SEC16A: variants seen among roughly 807,000 people sequenced by gnomAD.
SEC16A encodes protein transport protein Sec16A.
Under a neutral mutation model 221.9 loss-of-function variants are expected in SEC16A, and 110 were observed. The ratio of observed to expected loss-of-function variants is 0.50; its 90% CI spans 0.42 to 0.58. The LOEUF (loss-of-function observed/expected upper bound fraction) is 0.58, where lower values mean the gene tolerates loss of function less well. Ranked by LOEUF, SEC16A falls within the 20% of genes least tolerant of loss-of-function variation. The probability of loss-of-function intolerance (pLI) is 0.00; values close to 1 mark genes in which losing one functional copy is unlikely to be tolerated. For synonymous variants in SEC16A, 1,393 were observed against 1,257.7 expected (o/e 1.11, Z -2.28); for missense variants, 3,165 against 3,097.8 (o/e 1.02, Z -0.52).
In SEC16A at chr9:136,459,153, C is replaced by T. The variant is rs1267696529; in HGVS notation, c.5390G>A (p.Cys1797Tyr). The T allele has an allele frequency of 6.2e-7, 1 of 1,611,226 alleles. No individual in the cohort carries two copies. The highest frequency in any genetic ancestry group is 1.1e-5 in the South Asian group (1 of 90,754). The change falls in exon 17 of 32, where the codon TGC becomes TAC. Residue 1797 changes from cysteine (C) to tyrosine (Y), a missense_variant. Transcript: ENST00000684901. The surrounding 1 kb of genome is among the most constrained non-coding windows in gnomAD (Gnocchi z 6.1). ...EYAQSLGAET[C>Y]PLPSFQVFKF... Reference sequence around the variant, plus strand: ...GCTTACCTGGAAACTAGGCAGGGGGCAGGTCTCGGCACCCAGGGACTGGGC... The same window carrying T: ...GCTTACCTGGAAACTAGGCAGGGGGTAGGTCTCGGCACCCAGGGACTGGGC...
upstream of SEC16A, chr9:136,484,453 C>T (rs759958843): frequency 1.7e-6 from 2 of 1,205,106 alleles, no homozygotes; most frequent in African/African-American, 1.6e-5. Flanking sequence ...CCAGCCATGC[C>T]GGGCCCACTC....
rs1284651214 is a variant in SEC16A at position 136,446,962 on chromosome 9, G to T, written c.6698-13C>A. 1.2e-6 allele frequency: 2 copies of T among 1,613,508 alleles called. No homozygotes were observed. The highest frequency in any genetic ancestry group is 1.7e-6 in the Non-Finnish European group (2 of 1,179,864). On this transcript the variant is annotated splice_polypyrimidine_tract_variant and intron_variant, in intron 27 of 31. Coordinates refer to ENST00000684901, the MANE Select transcript of SEC16A (RefSeq NM_014866.2). ...GGTTCTTCTGCATCTGGGGATGAGA[G>T]AGCGAGGAGGCCATCATTCCGTCCC...
At chr9:136,452,366 C>A (rs1225997123) in intron 22 of SEC16A, among the ~76,000 whole-genome samples, 1 of 137,014 alleles carries the variant, frequency 7.3e-6, no homozygotes, top group African/African-American at 2.7e-5. Context: ...CAGAGAATTG[C>A]TTAAACCTGG....
rs1836890635 is a variant in SEC16A, at chr9:136,445,778, C to T, written c.6793-59G>A. 2.8e-6 allele frequency: 4 copies of T among 1,423,948 alleles called. No individual in the cohort carries two copies. The Admixed American group carries it at 8.6e-5, about 31-fold the overall frequency. The allele number at this position is 1,423,948 out of a possible 1,614,324, so 88.2% of individuals were successfully genotyped here. A position where few individuals can be genotyped will look rare whatever the true frequency, so the allele number is the denominator to read the frequency against. On this transcript the variant is annotated intron_variant, in intron 28 of 31. Coordinates refer to ENST00000684901, the MANE Select transcript of SEC16A (RefSeq NM_014866.2). ...TCCCAGGGAATTTAAGTCTCTCACA[C>T]CAGGCCAAAAAATATGAAACTGTTC...
At chr9:136,444,992 C>T in intron 30 of SEC16A, 60 bp downstream of exon 30, 1 of 1,505,252 alleles carries the variant, frequency 6.6e-7, no homozygotes, top group South Asian at 1.2e-5. Flanking sequence ...ACCGCGTGCT[C>T]AGGAACACAG....
Position 136,476,411 on chromosome 9 carries a change from T to C in SEC16A, c.1205A>G (p.Asp402Gly). The change falls in exon 3 of 32, where the codon GAT becomes GGT. Residue 402 changes from aspartate to glycine, a missense_variant. Coordinates refer to ENST00000684901, the MANE Select transcript of SEC16A (RefSeq NM_014866.2). ...GCCTAGCCCAGGGCTGGAGCAGAAA[T>C]CGTCAAAGTCCGCTTGACCAGATAA... ...AGLSGQADFD[D>G]FCSSPGLGRP... 1.2e-6 allele frequency: 2 copies of C among 1,612,878 alleles called. No homozygotes were observed. Among genetic ancestry groups the C allele is most frequent in the Non-Finnish European group, 1.7e-6 (2 of 1,179,838 alleles).
rs752520572 is a variant in SEC16A, at chr9:136,477,182, C to A, written c.434G>T (p.Gly145Val). 5.0e-6 allele frequency: 8 copies of A among 1,613,686 alleles called. No individual in the cohort carries two copies. The African/African-American group carries it at 1.1e-4, about 22-fold the overall frequency. Residue 145 changes from glycine to valine, a missense_variant, in exon 3 of 32, where the codon GGT becomes GTT. This residue lies in a region of SEC16A where 2,030 missense variants were observed against 1,923.1 expected (regional missense o/e 1.06). Coordinates refer to ENST00000684901, the MANE Select transcript of SEC16A (RefSeq NM_014866.2). ...CTGAACTTCAGGCTCTGAACTGGGA[C>A]CGACCTCTGCACTCCTGTTCATCTC... is the stretch of plus-strand genomic sequence containing the variant. ...GPEMNRSAEVGPSSEPEVQTL... is the reference protein window; with the variant it reads ...GPEMNRSAEVVPSSEPEVQTL...
chr9:136,459,331 C>T lies in SEC16A; in HGVS notation c.5304-92G>A. 7.1e-7 allele frequency: 1 copy of T among 1,412,032 alleles called. No individual in the cohort carries two copies. The highest frequency in any genetic ancestry group is 9.9e-7 in the Non-Finnish European group (1 of 1,009,636). 87.5% of individuals were successfully genotyped at this position (1,412,032 alleles called of 1,614,324 possible). A position where few individuals can be genotyped will look rare whatever the true frequency, so the allele number is the denominator to read the frequency against. On this transcript the variant is annotated intron_variant, in intron 16 of 31. Transcript: ENST00000684901. The surrounding 1 kb of genome is among the most constrained non-coding windows in gnomAD (Gnocchi z 6.1). ...GCAAATCATCCAGAAGTGTGTCCCA[C>T]CACGTGACAAATAAAGACATGATTC... is the stretch of plus-strand genomic sequence containing the variant.
At chr9:136,464,101 C>T (rs1453811621) in intron 9 of SEC16A, among the ~76,000 whole-genome samples, 2 of 144,318 alleles carry the variant, frequency 1.4e-5, no homozygotes, top group Non-Finnish European at 3.0e-5. Context: ...CTCACCTGGG[C>T]AGCACCGGGC....
At position 136,455,721 on chromosome 9, in the gene SEC16A, C is replaced by T; in HGVS notation, c.5737G>A (p.Glu1913Lys). The change falls in exon 20 of 32, where the codon GAG becomes AAG. Residue 1913 changes from glutamate to lysine, a missense_variant. Physicochemically the swap from Glu to Lys is moderately conservative, Grantham distance 56. Coordinates refer to ENST00000684901, the MANE Select transcript of SEC16A (RefSeq NM_014866.2). ...QCPGTPSSEM[E>K]QLDRPGLSQP... ...CTGAGTCCTGGCCTGTCCAACTGCT[C>T]CATCTCGGAACTCGGAGTGCCAGGA... 6.3e-7 allele frequency: 1 copy of T among 1,596,422 alleles called. No individual in the cohort carries two copies. Among genetic ancestry groups the T allele is most frequent in the Non-Finnish European group, 8.5e-7 (1 of 1,172,036 alleles).
At position 136,466,580 on chromosome 9, in the gene SEC16A, G is replaced by A; in HGVS notation, c.3930-118C>T. 2.2e-6 allele frequency: 2 copies of A among 916,278 alleles called. No homozygotes were observed. The highest frequency in any genetic ancestry group is 3.2e-6 in the Non-Finnish European group (2 of 620,022). The allele number at this position is 916,278 out of a possible 1,614,324, so 56.8% of individuals were successfully genotyped here. A position where few individuals can be genotyped will look rare whatever the true frequency, so the allele number is the denominator to read the frequency against. ...ACCCCTGGGGCCGAGGCACAACACAGCACACCCGACACTCAGGGCCCTCTG... is the reference window on the plus strand; with the variant it reads ...ACCCCTGGGGCCGAGGCACAACACAACACACCCGACACTCAGGGCCCTCTG... On this transcript the variant is annotated intron_variant, in intron 6 of 31. Coordinates refer to ENST00000684901, the MANE Select transcript of SEC16A (RefSeq NM_014866.2). The surrounding 1 kb of genome is among the most constrained non-coding windows in gnomAD (Gnocchi z 5.5).
At chr9:136,473,025 C>T (rs1841094020) in intron 3 of SEC16A, among the ~76,000 whole-genome samples, 1 of 152,256 alleles carries the variant, frequency 6.6e-6, no homozygotes, top group African/African-American at 2.4e-5. Context: ...TAAAAAGTGC[C>T]TGGGCTCCTT....
Position 136,459,721 on chromosome 9 carries a change from C to T in SEC16A, c.5191+36G>A, listed in dbSNP as rs377446347. 2.3e-3 allele frequency: 3,515 copies of T among 1,526,586 alleles called. 8 individuals are homozygous for T. The highest frequency in any genetic ancestry group is 2.7e-3 in the Non-Finnish European group (3,057 of 1,118,086). 94.6% of individuals were successfully genotyped at this position (1,526,586 alleles called of 1,614,324 possible). On this transcript the variant is annotated intron_variant, in intron 15 of 31. Coordinates refer to ENST00000684901, the MANE Select transcript of SEC16A (RefSeq NM_014866.2). This position sits in a 1 kb window ranked among gnomAD's most constrained non-coding sequence, Gnocchi z 6.1. The stretch of plus-strand genomic sequence containing the variant: ...ACAACCGGGCCTTCGGCGCTCCATC[C>T]GCGACACCCAATGCCCATCTCCACC...
At position 136,466,535 on chromosome 9, in the gene SEC16A, G is replaced by T; in HGVS notation, c.3930-73C>A. On this transcript the variant is annotated intron_variant, in intron 6 of 31. Transcript: ENST00000684901. The surrounding 1 kb of genome is among the most constrained non-coding windows in gnomAD (Gnocchi z 5.5). ...CCCCGTCCCCATGTGCCACGCAGCTGCCCAGGAGCTGAGACCGAGACCCCT... is the reference window on the plus strand; with the variant it reads ...CCCCGTCCCCATGTGCCACGCAGCTTCCCAGGAGCTGAGACCGAGACCCCT... 7.1e-7 allele frequency: 1 copy of T among 1,416,850 alleles called. No individual in the cohort carries two copies. Among genetic ancestry groups the T allele is most frequent in the Non-Finnish European group, 9.5e-7 (1 of 1,053,428 alleles). The allele number at this position is 1,416,850 out of a possible 1,614,324, so 87.8% of individuals were successfully genotyped here.
chr9:136,483,416 T>A, upstream of SEC16A: 3 of 633,656 alleles, frequency 4.7e-6, no homozygotes, highest in Non-Finnish European at 5.5e-6. Flanking sequence ...TTTCTCCGCC[T>A]CATCCTGTCG....
rs1238407053 is a variant in SEC16A at position 136,440,464 on chromosome 9, CTTAAAT to C, written c.*1285_*1290del. On this transcript the variant is annotated 3_prime_UTR_variant, in exon 32 of 32. Transcript: ENST00000684901. Reference sequence around the variant, plus strand: ...AATTCCACATTCTACAATTTCTACACTTAAATTTAAAACACCAAACAGTTTGTATTC... The same window carrying C: ...AATTCCACATTCTACAATTTCTACACTTAAAACACCAAACAGTTTGTATTC... The C allele has an allele frequency of 6.6e-6, 1 of 152,618 alleles. No homozygotes were observed. Among genetic ancestry groups the C allele is most frequent in the African/African-American group, 2.4e-5 (1 of 41,474 alleles). The allele number at this position is 152,618 out of a possible 1,614,324, so 9.5% of individuals were successfully genotyped here.
In SEC16A at chr9:136,440,937, C is replaced by T. The variant is rs1836123897; in HGVS notation, c.*818G>A. 6.6e-6 allele frequency: 1 copy of T among 152,352 alleles called. No individual in the cohort carries two copies. Among genetic ancestry groups the T allele is most frequent in the South Asian group, 2.1e-4 (1 of 4,836 alleles). 9.4% of individuals were successfully genotyped at this position (152,352 alleles called of 1,614,324 possible). A position where few individuals can be genotyped will look rare whatever the true frequency, so the allele number is the denominator to read the frequency against. ...GAAATGAAGCCCAAATCAAACATCA[C>T]ACGGTCAGTTTTCAACCTGGATGAC... On this transcript the variant is annotated 3_prime_UTR_variant, in exon 32 of 32. Transcript: ENST00000684901.
chr9:136,451,588 C>T (rs1837820523), intron 22 of SEC16A, among the ~76,000 whole-genome samples, 180 bp from the exon 23 acceptor site: 1 of 152,144 alleles, frequency 6.6e-6, no homozygotes, highest in Non-Finnish European at 1.5e-5. Context: ...CTGGGCCTCC[C>T]AGAGCCTCTA....
intron 18 of SEC16A, among the ~76,000 whole-genome samples, chr9:136,457,154 GAC>G (rs747617338): frequency 6.6e-5 from 10 of 152,236 alleles, no homozygotes; most frequent in Non-Finnish European, 1.3e-4. Flanking sequence ...CAGCCTGGGT[GAC>G]AGAGTGAGAC....
Sources: gnomAD v4.1 joint callset for allele counts (sites outside exome capture counted in the v4.1 genomes callset) on GRCh38, gnomAD v4.1.1 for gene constraint, gnomAD v4.1.1 regional missense constraint, Gnocchi (gnomAD v3.1) non-coding constraint, MANE v1.5 for transcripts, NCBI Gene and HGNC (gene_info 2026-07-23, HGNC 2026-07-21) for gene names.